Variants in CAPN2 observed in about 807,000 individuals in gnomAD.
CAPN2 encodes calpain 2, also known as calpain-2 catalytic subunit.
Under a neutral mutation model 102.3 loss-of-function variants are expected in CAPN2, and 92 were observed. The ratio of observed to expected loss-of-function variants is 0.90; its 90% CI spans 0.76 to 1.07. The LOEUF (loss-of-function observed/expected upper bound fraction) is 1.07, where lower values mean the gene tolerates loss of function less well. Among genes scored for constraint, CAPN2 ranks in the 50% least tolerant of loss-of-function variants. The pLI is 0.00. For missense variants in CAPN2, 800 were observed against 909.4 expected, an observed-to-expected ratio of 0.88 and a Z score of 1.55; for synonymous variants, 340 against 355.4, an observed-to-expected ratio of 0.96 and a Z score of 0.49.
At position 223,775,990 on chromosome 1, in the gene CAPN2, G is replaced by A. The variant is rs1661609195; in HGVS notation, c.*1133G>A. The A allele has an allele frequency of 6.6e-6, 1 of 152,404 alleles. No individual in the cohort carries two copies. The highest frequency in any genetic ancestry group is 1.9e-4 in the East Asian group (1 of 5,198). 9.4% of individuals were successfully genotyped at this position (152,404 alleles called of 1,614,324 possible). A position where few individuals can be genotyped will look rare whatever the true frequency, so the allele number is the denominator to read the frequency against. ...AAGACACCTTGCCTATAATTAAAAT[G>A]TGGAACTATAAAATTTTTTAAAATC... On this transcript the variant is annotated 3_prime_UTR_variant, in exon 21 of 21. Transcript: ENST00000295006.
At chr1:223,762,115 G>T in intron 13 of CAPN2, 71 bp from the exon 14 acceptor site, 1 of 1,353,220 alleles carries the variant, frequency 7.4e-7, no homozygotes, top group Non-Finnish European at 1.1e-6. Flanking sequence ...TGGCTGCCAT[G>T]GAAGGGCGGG....
At chr1:223,768,438 TA>T (rs1303287714) in intron 16 of CAPN2, among the ~76,000 whole-genome samples, 1 of 151,814 alleles carries the variant, frequency 6.6e-6, no homozygotes, top group Admixed American at 6.6e-5. Flanking sequence ...CACCATTTAT[TA>T]AATAGGGAAT....
At chr1:223,768,016 T>C (rs1443985587) in intron 16 of CAPN2, among the ~76,000 whole-genome samples, 1 of 150,276 alleles carries the variant, frequency 6.7e-6, no homozygotes, top group Non-Finnish European at 1.5e-5. Flanking sequence ...TCATGTCCTT[T>C]GCCCACTTTT....
rs759643799 is a variant in CAPN2 at position 223,755,632 on chromosome 1, G to A, written c.1288G>A (p.Gly430Ser). ...RKMGEDMHTIGFGIYEVPEEL... is the reference protein window; with the variant it reads ...RKMGEDMHTISFGIYEVPEEL... ...GATGGGCGAGGACATGCACACCATC[G>A]GCTTTGGCATCTATGAGGTGCAGAG... The change falls in exon 10 of 21, where the codon GGC becomes AGC. Residue 430 changes from glycine (G) to serine (S), a missense_variant. Gly to Ser is a moderately conservative substitution (Grantham distance 56). Coordinates refer to ENST00000295006, the MANE Select transcript of CAPN2 (RefSeq NM_001748.5). This position sits in a 1 kb window ranked among gnomAD's most constrained non-coding sequence, Gnocchi z 4.1. 11 of 1,600,790 alleles carry A rather than the reference G, an allele frequency of 6.9e-6. No homozygotes were observed. Among genetic ancestry groups the A allele is most frequent in the East Asian group, 2.2e-5 (1 of 44,818 alleles).
chr1:223,707,436 T>C (rs1659635535), intron 1 of CAPN2, among the ~76,000 whole-genome samples: 2 of 152,158 alleles, frequency 1.3e-5, no homozygotes, highest in Admixed American at 6.5e-5. Context: ...TCTATGTCCT[T>C]GTGTTCCCGT....
chr1:223,774,537 T>C (rs942954981), intron 20 of CAPN2, among the ~76,000 whole-genome samples: 1 of 151,946 alleles, frequency 6.6e-6, no homozygotes, highest in African/African-American at 2.4e-5. Flanking sequence ...TCTGATGTGA[T>C]ACTCTGAGGC....
In CAPN2 at chr1:223,719,512, C is replaced by T. The variant is rs1030074499; in HGVS notation, c.307+1681C>T. 7.2e-5 allele frequency among the ~76,000 whole-genome samples: 11 copies of T among 151,966 alleles called. 1 individual carries two copies. The highest frequency in any genetic ancestry group is 1.3e-4 in the Admixed American group (2 of 15,264). Reference sequence around the variant, plus strand: ...AGAGATGGCACCACTGCACTTCAGCCGGGGTGACAGAGAGAGACCCCATCT... The same window carrying T: ...AGAGATGGCACCACTGCACTTCAGCTGGGGTGACAGAGAGAGACCCCATCT... On this transcript the variant is annotated intron_variant, in intron 2 of 20. Coordinates refer to ENST00000295006, the MANE Select transcript of CAPN2 (RefSeq NM_001748.5).
upstream of CAPN2, among the ~76,000 whole-genome samples, chr1:223,709,458 C>T (rs576093727): frequency 5.8e-4 from 88 of 151,954 alleles, no homozygotes; most frequent in Non-Finnish European, 1.2e-4. Flanking sequence ...GTCAGGAGTT[C>T]GAGACCAGCC....
At chr1:223,742,512 ATATATATT>A (rs1276157761) in intron 2 of CAPN2, among the ~76,000 whole-genome samples, 167 of 113,320 alleles carry the variant, frequency 1.5e-3, no homozygotes, top group African/African-American at 5.9e-3. Context: ...ATATATATAT[ATATATATT>A]TTTTTTTTTT....
At chr1:223,766,087 C>G (rs1282857339) in intron 15 of CAPN2, among the ~76,000 whole-genome samples, 1 of 152,216 alleles carries the variant, frequency 6.6e-6, no homozygotes, top group East Asian at 1.9e-4. Context: ...CTGTGGGCAC[C>G]TAAGGCCCAA....
rs571115631 is a variant in CAPN2, at chr1:223,766,621, A to T, written c.1755+190A>T. ...ATGCGAGAACCCTCTGATGAGGGAA[A>T]GCAAATGCTACACCCCCCCTCCCAC... is the stretch of plus-strand genomic sequence containing the variant. On this transcript the variant is annotated intron_variant, in intron 16 of 20. Coordinates refer to ENST00000295006, the MANE Select transcript of CAPN2 (RefSeq NM_001748.5). 2.6e-5 allele frequency among the ~76,000 whole-genome samples: 4 copies of T among 152,324 alleles called. No individual in the cohort carries two copies. The South Asian group carries it at 8.3e-4, about 32-fold the overall frequency.
intron 1 of CAPN2, among the ~76,000 whole-genome samples, chr1:223,715,676 G>A (rs1222965011): frequency 6.6e-6 from 1 of 152,122 alleles, no homozygotes; most frequent in Non-Finnish European, 1.5e-5. Flanking sequence ...GATCCGGGTG[G>A]CACATCAGAT....
chr1:223,744,261 G>A lies in CAPN2; in HGVS notation c.426+43G>A, dbSNP rs752423575. The A allele has an allele frequency of 3.1e-5, 39 of 1,266,622 alleles. No homozygotes were observed. In the Admixed American group the frequency reaches 6.6e-4, roughly 21 times the overall value. The allele number at this position is 1,266,622 out of a possible 1,614,324, so 78.5% of individuals were successfully genotyped here. A position where few individuals can be genotyped will look rare whatever the true frequency, so the allele number is the denominator to read the frequency against. On this transcript the variant is annotated intron_variant, in intron 3 of 20. Transcript: ENST00000295006. Reference sequence around the variant, plus strand: ...TCAGGTGGTTCCTCAACAGGTCCAGGGGGCTAGGAACAGTCTTCTGGCTTG... The same window carrying A: ...TCAGGTGGTTCCTCAACAGGTCCAGAGGGCTAGGAACAGTCTTCTGGCTTG...
intron 2 of CAPN2, among the ~76,000 whole-genome samples, chr1:223,743,465 C>G (rs1558068931): frequency 6.6e-6 from 1 of 152,016 alleles, no homozygotes; most frequent in Non-Finnish European, 1.5e-5. Flanking sequence ...TTTTCTTTCT[C>G]TCACTCAAAC....
At chr1:223,751,124 G>A in intron 7 of CAPN2, 149 bp downstream of exon 7, 1 of 703,508 alleles carries the variant, frequency 1.4e-6, no homozygotes, top group South Asian at 1.8e-5. Flanking sequence ...CCGTGGACAG[G>A]GGCCCCTCAA....
At chr1:223,764,978 G>C (rs1020360809) in intron 15 of CAPN2, among the ~76,000 whole-genome samples, 2 of 152,162 alleles carry the variant, frequency 1.3e-5, no homozygotes, top group Non-Finnish European at 2.9e-5. Flanking sequence ...GGGAGGAGCG[G>C]GAAACACAAC....
chr1:223,713,149 G>A (rs1204648305), intron 1 of CAPN2, among the ~76,000 whole-genome samples: 1 of 152,168 alleles, frequency 6.6e-6, no homozygotes, highest in Non-Finnish European at 1.5e-5. Flanking sequence ...CCCACTAGCA[G>A]GCCACTTTAG....
chr1:223,775,736 C>A lies in CAPN2; in HGVS notation c.*879C>A, dbSNP rs917567173. On this transcript the variant is annotated 3_prime_UTR_variant, in exon 21 of 21. Coordinates refer to ENST00000295006, the MANE Select transcript of CAPN2 (RefSeq NM_001748.5). ...GAAAGGACACAAGTTTGTTTCCTGG[C>A]TTTACCTTGGGAAAATGCTAGCAAC... 2 of 152,634 alleles carry A rather than the reference C, an allele frequency of 1.3e-5. No homozygotes were observed. The highest frequency in any genetic ancestry group is 1.3e-4 in the Admixed American group (2 of 15,274). The allele number at this position is 152,634 out of a possible 1,614,324, so 9.5% of individuals were successfully genotyped here.
intron 20 of CAPN2, 23 bp from the exon 21 acceptor site, chr1:223,774,811 C>CA (rs1553256960): frequency 7.0e-7 from 1 of 1,429,190 alleles, no homozygotes; most frequent in Non-Finnish European, 9.6e-7. Context: ...ACTGAGCTGA[C>CA]TTTTTTTTTT....
Sources: allele counts gnomAD v4.1 joint callset (sites outside exome capture counted in the v4.1 genomes callset), GRCh38; gene constraint gnomAD v4.1.1; non-coding constraint Gnocchi (gnomAD v3.1); transcripts MANE v1.5; gene names NCBI Gene and HGNC (gene_info 2026-07-23, HGNC 2026-07-21).